Variants in TRMT11 observed in about 807,000 individuals in gnomAD.
TRMT11 encodes the protein tRNA (guanine(10)-N(2))-methyltransferase TRMT11.
TRMT11 carries 53 observed loss-of-function variants against 62.8 expected under a neutral mutation model. The observed-to-expected ratio is 0.84, with a 90% confidence interval of 0.68 to 1.06. The LOEUF (loss-of-function observed/expected upper bound fraction) is 1.06. Ranked by LOEUF, TRMT11 falls within the 50% of genes least tolerant of loss-of-function variation. The pLI, the probability that TRMT11 is intolerant of heterozygous loss-of-function variation, is 0.00. For synonymous variants in TRMT11, 188 were observed against 190.3 expected (o/e 0.99, Z 0.10); for missense variants, 556 against 553.4 (o/e 1.00, Z -0.05).
At chr6:126,034,449 C>G (rs568045398) in intron 12 of TRMT11, among the ~76,000 whole-genome samples, 1 of 152,194 alleles carries the variant, frequency 6.6e-6, no homozygotes, top group South Asian at 2.1e-4. Context: ...TGTATGTCTT[C>G]CTTATGTAGC....
At chr6:126,071,820 T>C (rs543785311) in intron 17 of TRMT11, among the ~76,000 whole-genome samples, 1 of 152,270 alleles carries the variant, frequency 6.6e-6, no homozygotes, top group Admixed American at 6.5e-5. Flanking sequence ...CATGTCATGG[T>C]ATATCAATGA....
chr6:126,035,451 C>T (rs1189183623), intron 12 of TRMT11, among the ~76,000 whole-genome samples: 3 of 152,062 alleles, frequency 2.0e-5, no homozygotes, highest in East Asian at 1.9e-4. Context: ...GTCATTTGGT[C>T]TTCTAGAAAG....
At chr6:126,096,707 G>A (rs545389889) in intron 17 of TRMT11, among the ~76,000 whole-genome samples, 2 of 152,152 alleles carry the variant, frequency 1.3e-5, no homozygotes, top group East Asian at 3.9e-4. Context: ...GAATGATCCT[G>A]TACCTGTAGT....
At chr6:125,996,871 C>A (rs1791604609) in intron 3 of TRMT11, among the ~76,000 whole-genome samples, 1 of 152,132 alleles carries the variant, frequency 6.6e-6, no homozygotes, top group Admixed American at 6.5e-5. Context: ...TTGGACACAA[C>A]CCAATATTTA....
intron 1 of TRMT11, among the ~76,000 whole-genome samples, chr6:126,192,127 G>A (rs1282162802): frequency 6.6e-6 from 1 of 152,036 alleles, no homozygotes; most frequent in Non-Finnish European, 1.5e-5. Context: ...TCTTTCATCA[G>A]TGTTTTATAG....
chr6:126,013,120 A>AT lies in TRMT11; in HGVS notation c.1139+24dup. 6.3e-7 allele frequency: 1 copy of AT among 1,581,850 alleles called. No homozygotes were observed. The highest frequency in any genetic ancestry group is 8.6e-7 in the Non-Finnish European group (1 of 1,167,510). Reference sequence around the variant, plus strand: ...CGCCAGAGTATGTAATCTTAATTTTATTTTTAATTTCATTTTTCTTACAAT... The same window carrying AT: ...CGCCAGAGTATGTAATCTTAATTTTATTTTTTAATTTCATTTTTCTTACAAT... On this transcript the variant is annotated intron_variant, in intron 11 of 12. Transcript: ENST00000334379.
At chr6:126,013,175 A>T in intron 11 of TRMT11, 74 bp downstream of exon 11, 4 of 1,374,570 alleles carry the variant, frequency 2.9e-6, no homozygotes, top group Non-Finnish European at 4.0e-6. Flanking sequence ...TTTTCTCTTT[A>T]TCTCTTCTTG....
At position 125,993,967 on chromosome 6, in the gene TRMT11, T is replaced by C. The variant is rs930179398; in HGVS notation, c.138+145T>C. 12 of 465,418 alleles carry C rather than the reference T, an allele frequency of 2.6e-5. No individual in the cohort carries two copies. The Admixed American group carries it at 3.3e-4, about 13-fold the overall frequency. The allele number at this position is 465,418 out of a possible 1,614,324, so 28.8% of individuals were successfully genotyped here. On this transcript the variant is annotated intron_variant, in intron 2 of 12. Transcript: ENST00000334379. ...GGCAGTGGAATAAAGTGGATATTTT[T>C]GGAAAATTTGTGGTTTTGTTAAGTA...
intron 17 of TRMT11, among the ~76,000 whole-genome samples, chr6:126,109,835 G>A (rs1777509989): frequency 6.6e-6 from 1 of 152,184 alleles, no homozygotes; most frequent in Non-Finnish European, 1.5e-5. Flanking sequence ...ATTGCTTAAT[G>A]TCTTGGGACA....
intron 1 of TRMT11, among the ~76,000 whole-genome samples, chr6:126,179,231 G>GA (rs1778427713): frequency 6.6e-6 from 1 of 152,018 alleles, no homozygotes. Context: ...TCAATTAAGT[G>GA]AATTACTGCT....
chr6:126,211,865 G>A, the TRMT11 span, among the ~76,000 whole-genome samples: 1 of 151,840 alleles, frequency 6.6e-6, no homozygotes, highest in Non-Finnish European at 1.5e-5. Flanking sequence ...TCAAATACTA[G>A]ATCTCATTCA....
the TRMT11 span, among the ~76,000 whole-genome samples, chr6:126,256,861 G>GT: frequency 6.6e-6 from 1 of 151,616 alleles, no homozygotes; most frequent in Non-Finnish European, 1.5e-5. Flanking sequence ...GTGTTTTTTT[G>GT]TTTTTTGTTT....
At chr6:126,245,760 T>C in the TRMT11 span, among the ~76,000 whole-genome samples, 1 of 152,162 alleles carries the variant, frequency 6.6e-6, no homozygotes, top group African/African-American at 2.4e-5. Flanking sequence ...GTCTCCAGTT[T>C]GGTGGTGGGT....
chr6:126,123,296 C>A (rs1777670739), intron 21 of TRMT11, among the ~76,000 whole-genome samples: 1 of 152,026 alleles, frequency 6.6e-6, no homozygotes, highest in African/African-American at 2.4e-5. Context: ...AGAGTTGGAG[C>A]CATCTTTTGG....
intron 17 of TRMT11, among the ~76,000 whole-genome samples, chr6:126,073,740 T>A (rs1318743533): frequency 6.6e-6 from 1 of 152,104 alleles, no homozygotes; most frequent in Non-Finnish European, 1.5e-5. Flanking sequence ...TTTTTCAGTG[T>A]CTTAGGGAGG....
chr6:126,110,134 C>A (rs1037254852), intron 17 of TRMT11, among the ~76,000 whole-genome samples: 1 of 152,146 alleles, frequency 6.6e-6, no homozygotes, highest in Non-Finnish European at 1.5e-5. Flanking sequence ...TCTTAATCAG[C>A]AACTGTGCAA....
chr6:126,062,736 A>G (rs1562311705), intron 17 of TRMT11, among the ~76,000 whole-genome samples: 1 of 152,238 alleles, frequency 6.6e-6, no homozygotes. Context: ...GAGTGGCATA[A>G]AAATTCACAC....
intron 21 of TRMT11, among the ~76,000 whole-genome samples, chr6:126,171,124 T>C (rs961990823): frequency 1.3e-5 from 2 of 152,204 alleles, no homozygotes; most frequent in African/African-American, 4.8e-5. Flanking sequence ...TCGAAGTATT[T>C]GGTTTCATCT....
At chr6:125,993,206 A>G (rs76153886) in intron 1 of TRMT11, among the ~76,000 whole-genome samples, 2,461 of 152,316 alleles carry the variant, frequency 0.016, 55 homozygotes, top group African/African-American at 0.057. Context: ...GTTTATCAGT[A>G]CAAAGTGATT....
Sources: allele counts gnomAD v4.1 joint callset (sites outside exome capture counted in the v4.1 genomes callset), GRCh38; gene constraint gnomAD v4.1.1; transcripts MANE v1.5; gene names NCBI Gene and HGNC (gene_info 2026-07-23, HGNC 2026-07-21).